The following PCDH15 variants were observed in gnomAD, a reference collection of about 807,000 sequenced individuals.
PCDH15 encodes protocadherin related 15, also known as protocadherin-15.
In PCDH15, 129 loss-of-function variants were observed where a neutral mutation model predicts 178.5. The observed-to-expected ratio is 0.72, with a 90% CI of 0.63 to 0.84. PCDH15 has a LOEUF of 0.84. Among genes scored for constraint, PCDH15 ranks in the 40% least tolerant of loss-of-function variants. PCDH15 has a pLI of 0.00. For missense variants in PCDH15, 2,230 were observed against 2,099.9 expected (o/e 1.06, Z -1.21); for synonymous variants, 800 against 732.0 (o/e 1.09, Z -1.50).
intron 2 of PCDH15, among the ~76,000 whole-genome samples, chr10:55,479,053 A>C (rs902502290): frequency 6.6e-6 from 1 of 151,270 alleles, no homozygotes; most frequent in African/African-American, 2.4e-5. Flanking sequence ...ACTCAGTTCT[A>C]CTAAACATTC....
chr10:54,698,930 A>T (rs185273243), intron 1 of PCDH15, among the ~76,000 whole-genome samples: 1 of 152,272 alleles, frequency 6.6e-6, no homozygotes, highest in Admixed American at 6.6e-5. Flanking sequence ...TGTGTCCTCA[A>T]GAAGGGTTCC....
At chr10:54,535,709 CA>C (rs71010382) in intron 2 of PCDH15, among the ~76,000 whole-genome samples, 1,127 of 42,490 alleles carry the variant, frequency 0.027, 1 homozygote, top group African/African-American at 0.092. Context: ...GACTCCACCT[CA>C]AAAAAAAAAA....
chr10:55,506,076 A>G (rs1351080502), intron 2 of PCDH15: 2 of 151,462 alleles, frequency 1.3e-5, no homozygotes, highest in Non-Finnish European at 3.0e-5. Context: ...CATGAATGAT[A>G]CAAGAATGAT....
intron 2 of PCDH15, among the ~76,000 whole-genome samples, chr10:55,481,393 T>C (rs1196575434): frequency 6.6e-6 from 1 of 151,770 alleles, no homozygotes; most frequent in Non-Finnish European, 1.5e-5. Context: ...ATTTGTTTAG[T>C]ATTGGTTCTC....
intron 3 of PCDH15, among the ~76,000 whole-genome samples, chr10:54,439,446 C>T (rs966968098): frequency 1.1e-4 from 17 of 152,126 alleles, no homozygotes; most frequent in Non-Finnish European, 1.6e-4. Flanking sequence ...TGTTCCATTA[C>T]GGAAAGAGTT....
chr10:55,087,982 CAAGTT>C (rs1564787440), intron 2 of PCDH15, among the ~76,000 whole-genome samples: 2 of 152,008 alleles, frequency 1.3e-5, no homozygotes, highest in Non-Finnish European at 2.9e-5. Context: ...AATTTATAAT[CAAGTT>C]AATTATCTAC....
chr10:55,090,072 GA>G (rs1322067885), intron 2 of PCDH15, among the ~76,000 whole-genome samples: 2 of 151,834 alleles, frequency 1.3e-5, no homozygotes, highest in African/African-American at 2.4e-5. Flanking sequence ...ATATTTTTGA[GA>G]AAAATAATGT....
intron 1 of PCDH15, among the ~76,000 whole-genome samples, chr10:55,302,450 A>T (rs1843310661): frequency 6.6e-6 from 1 of 152,142 alleles, no homozygotes; most frequent in Non-Finnish European, 1.5e-5. Context: ...TGACCATGAA[A>T]GCTAGTAAGT....
intron 1 of PCDH15, among the ~76,000 whole-genome samples, chr10:55,185,266 G>C (rs1839762405): frequency 6.6e-6 from 1 of 151,790 alleles, no homozygotes; most frequent in African/African-American, 2.4e-5. Flanking sequence ...TATACACTTT[G>C]TCTGTTTGTA....
chr10:54,505,109 C>T lies in PCDH15; in HGVS notation c.157+22703G>A, dbSNP rs149080657. 5.0e-3 allele frequency among the ~76,000 whole-genome samples: 767 copies of T among 151,958 alleles called. 7 individuals are homozygous for T. Among genetic ancestry groups the T allele is most frequent in the African/African-American group, 0.018 (745 of 41,458 alleles). Reference sequence around the variant, plus strand: ...CACTTCTGCTTATAGTGACTGTACCCAAATCAAGGAGTTATAAATATTAAT... The same window carrying T: ...CACTTCTGCTTATAGTGACTGTACCTAAATCAAGGAGTTATAAATATTAAT... On this transcript the variant is annotated intron_variant, in intron 3 of 37. Transcript: ENST00000644397.
intron 7 of PCDH15, among the ~76,000 whole-genome samples, chr10:54,327,192 T>TTA (rs1554902548): frequency 2.6e-5 from 4 of 151,490 alleles, no homozygotes; most frequent in South Asian, 2.1e-4. Context: ...AATTGCATGA[T>TTA]AAAAAAACTA....
intron 2 of PCDH15, chr10:55,627,505 G>GAATCTGA (rs1837556736): frequency 6.6e-6 from 1 of 152,240 alleles, no homozygotes; most frequent in Admixed American, 6.5e-5. Context: ...TCCTGAACCT[G>GAATCTGA]AATCTGAAAA....
chr10:53,838,553 T>C (rs887419670), intron 29 of PCDH15, among the ~76,000 whole-genome samples: 2 of 151,864 alleles, frequency 1.3e-5, no homozygotes, highest in African/African-American at 4.8e-5. Flanking sequence ...CCAAATATAA[T>C]ACATATTTTT....
intron 23 of PCDH15, among the ~76,000 whole-genome samples, chr10:53,958,026 A>G (rs2134252251): frequency 6.6e-6 from 1 of 152,260 alleles, no homozygotes; most frequent in South Asian, 2.1e-4. Flanking sequence ...TTTGTATGAG[A>G]GGATGAAACT....
chr10:53,807,617 T>C (rs1156917804), intron 37 of PCDH15, among the ~76,000 whole-genome samples: 2 of 152,140 alleles, frequency 1.3e-5, no homozygotes, highest in African/African-American at 4.8e-5. Context: ...CGAAAACTTT[T>C]GTATAATTTA....
At chr10:55,237,002 A>C (rs2132206299) in intron 1 of PCDH15, among the ~76,000 whole-genome samples, 1 of 152,270 alleles carries the variant, frequency 6.6e-6, no homozygotes, top group South Asian at 2.1e-4. Flanking sequence ...AGTACTATAA[A>C]GAATTTGGGC....
At chr10:53,921,123 T>C (rs1055506122) in intron 25 of PCDH15, among the ~76,000 whole-genome samples, 1 of 152,188 alleles carries the variant, frequency 6.6e-6, no homozygotes, top group Admixed American at 6.5e-5. Flanking sequence ...TTGCAATATG[T>C]CATTAAGTCC....
intron 21 of PCDH15, among the ~76,000 whole-genome samples, chr10:53,968,106 G>T (rs2926408): frequency 0.71 from 107,106 of 151,846 alleles, 38,157 homozygotes; most frequent in East Asian, 0.87. Flanking sequence ...TCCTAGACAA[G>T]GGAAGCCATG....
chr10:55,358,532 G>A (rs1900491), intron 2 of PCDH15, among the ~76,000 whole-genome samples: 1 of 151,754 alleles, frequency 6.6e-6, no homozygotes, highest in African/African-American at 2.4e-5. Flanking sequence ...ATTTCAAGAG[G>A]ATATCAGCAT....
Sources: gnomAD v4.1 joint callset for allele counts (sites outside exome capture counted in the v4.1 genomes callset) on GRCh38, gnomAD v4.1.1 for gene constraint, MANE v1.5 for transcripts, NCBI Gene and HGNC (gene_info 2026-07-23, HGNC 2026-07-21) for gene names.